Variants in FSTL5 observed in about 807,000 individuals in gnomAD.
FSTL5 encodes the protein follistatin like 5, also known as follistatin-related protein 5.
A neutral mutation model predicts 89.1 loss-of-function variants in FSTL5; 62 were observed. The ratio of observed to expected loss-of-function variants is 0.70; its 90% CI spans 0.57 to 0.86. The LOEUF (loss-of-function observed/expected upper bound fraction) is 0.86. Ranked by LOEUF, FSTL5 falls within the 40% of genes least tolerant of loss-of-function variation. FSTL5 has a pLI of 0.00. For missense variants in FSTL5, 1,057 were observed against 1,001.6 expected (o/e 1.06, Z -0.75); for synonymous variants, 383 against 346.2 (o/e 1.11, Z -1.18).
chr4:161,672,028 T>C (rs542570541), intron 6 of FSTL5, among the ~76,000 whole-genome samples: 1 of 152,170 alleles, frequency 6.6e-6, no homozygotes, highest in African/African-American at 2.4e-5. Context: ...GTATTTACAT[T>C]TTAATAGGGA....
chr4:162,112,814 C>CACA (rs1301455972), intron 1 of FSTL5, among the ~76,000 whole-genome samples: 4 of 146,282 alleles, frequency 2.7e-5, no homozygotes, highest in African/African-American at 1.0e-4. Flanking sequence ...CACACACACA[C>CACA]ACCAGTGGGC....
intron 13 of FSTL5, among the ~76,000 whole-genome samples, chr4:161,471,717 A>G (rs1733948518): frequency 6.6e-6 from 1 of 152,152 alleles, no homozygotes; most frequent in Admixed American, 6.5e-5. Flanking sequence ...TTACTGATTC[A>G]ATTTTCCTAG....
chr4:161,822,621 C>G (rs1730526194), intron 4 of FSTL5, among the ~76,000 whole-genome samples: 1 of 152,168 alleles, frequency 6.6e-6, no homozygotes. Context: ...CAGCCCTGGC[C>G]CAGCCCTAGG....
At chr4:162,052,710 T>C (rs1738417481) in intron 2 of FSTL5, among the ~76,000 whole-genome samples, 1 of 151,756 alleles carries the variant, frequency 6.6e-6, no homozygotes, top group African/African-American at 2.4e-5. Context: ...AGTGAAAAAT[T>C]AAGCAAACGC....
intron 7 of FSTL5, among the ~76,000 whole-genome samples, chr4:161,636,548 G>T (rs1360057948): frequency 6.7e-6 from 1 of 148,158 alleles, no homozygotes; most frequent in Admixed American, 6.8e-5. Flanking sequence ...TGCCATGCTG[G>T]TGCGCTGCAC....
intron 15 of FSTL5, among the ~76,000 whole-genome samples, chr4:161,430,174 G>C (rs1046063915): frequency 9.2e-5 from 14 of 151,742 alleles, no homozygotes; most frequent in African/African-American, 3.4e-4. Context: ...TTGAAGACAG[G>C]CTATTTGAAA....
At chr4:161,941,081 T>G (rs1363400353) in intron 3 of FSTL5, among the ~76,000 whole-genome samples, 1 of 151,910 alleles carries the variant, frequency 6.6e-6, no homozygotes, top group Non-Finnish European at 1.5e-5. Flanking sequence ...ATGATGATAC[T>G]AATTCAACTA....
At position 161,884,994 on chromosome 4, in the gene FSTL5, C is replaced by T. The variant is rs143367765; in HGVS notation, c.409+35410G>A. ...TATTATTGACAGAAAACCATCAGAGCGAAGGGTTTAAATCACCATTAGGGA... is the reference window on the plus strand; with the variant it reads ...TATTATTGACAGAAAACCATCAGAGTGAAGGGTTTAAATCACCATTAGGGA... On this transcript the variant is annotated intron_variant, in intron 4 of 15. Transcript: ENST00000306100. Among the ~76,000 whole-genome samples the T allele has an allele frequency of 2.0e-4, 30 of 151,458 alleles. No individual in the cohort carries two copies. In the East Asian group the frequency reaches 4.3e-3, roughly 22 times the overall value.
At chr4:161,437,430 G>A (rs1457925641) in intron 15 of FSTL5, among the ~76,000 whole-genome samples, 2 of 151,726 alleles carry the variant, frequency 1.3e-5, no homozygotes, top group Non-Finnish European at 2.9e-5. Flanking sequence ...CGCCGGGCGT[G>A]GTGGCGGGCG....
chr4:161,588,592 AC>A (rs1472391181), intron 7 of FSTL5, among the ~76,000 whole-genome samples: 2 of 152,224 alleles, frequency 1.3e-5, no homozygotes, highest in Non-Finnish European at 2.9e-5. Flanking sequence ...TATGGTAATG[AC>A]TATTCTGGCA....
At chr4:162,051,357 A>G (rs1056931087) in intron 2 of FSTL5, among the ~76,000 whole-genome samples, 1 of 151,554 alleles carries the variant, frequency 6.6e-6, no homozygotes, top group African/African-American at 2.4e-5. Flanking sequence ...AAATGAATAG[A>G]TCAACAAATT....
intron 6 of FSTL5, among the ~76,000 whole-genome samples, chr4:161,718,436 T>C (rs1468528104): frequency 6.8e-6 from 1 of 146,814 alleles, no homozygotes; most frequent in Non-Finnish European, 1.5e-5. Flanking sequence ...TGATAATACA[T>C]TTTTTTTTTT....
intron 8 of FSTL5, among the ~76,000 whole-genome samples, chr4:161,548,309 G>A (rs72685746): frequency 0.074 from 11,311 of 151,840 alleles, 532 homozygotes; most frequent in Middle Eastern, 0.16. Context: ...CATATGTCTC[G>A]TATGTACTGT....
chr4:161,616,577 T>G (rs1330878937), intron 7 of FSTL5, among the ~76,000 whole-genome samples: 1 of 152,174 alleles, frequency 6.6e-6, no homozygotes, highest in African/African-American at 2.4e-5. Flanking sequence ...ACCTTGTGAT[T>G]GTGTGAGTCA....
chr4:162,142,287 A>G (rs1368165226), intron 1 of FSTL5, among the ~76,000 whole-genome samples: 1 of 152,162 alleles, frequency 6.6e-6, no homozygotes, highest in Admixed American at 6.5e-5. Context: ...GGATGAGAAA[A>G]TTATCTCAGC....
intron 4 of FSTL5, among the ~76,000 whole-genome samples, chr4:161,786,232 A>G (rs535616136): frequency 6.6e-6 from 1 of 152,110 alleles, no homozygotes; most frequent in Non-Finnish European, 1.5e-5. Flanking sequence ...ATTTTATGTT[A>G]GATGCTTTTA....
chr4:161,670,110 T>C (rs1164246021), intron 6 of FSTL5, among the ~76,000 whole-genome samples: 3 of 152,230 alleles, frequency 2.0e-5, no homozygotes, highest in African/African-American at 7.2e-5. Flanking sequence ...TAACTTACCA[T>C]CTTTAATATA....
intron 4 of FSTL5, among the ~76,000 whole-genome samples, chr4:161,901,150 C>T (rs569048940): frequency 1.3e-5 from 2 of 151,802 alleles, no homozygotes; most frequent in South Asian, 4.2e-4. Context: ...AATGTCCTTG[C>T]CCTTTCTGAA....
chr4:161,704,158 C>T (rs747988062), intron 6 of FSTL5, among the ~76,000 whole-genome samples: 1 of 152,050 alleles, frequency 6.6e-6, no homozygotes, highest in Non-Finnish European at 1.5e-5. Context: ...CCTTCTTTGG[C>T]GAGGCTAATC....
Sources: allele counts gnomAD v4.1 joint callset (sites outside exome capture counted in the v4.1 genomes callset), GRCh38; gene constraint gnomAD v4.1.1; transcripts MANE v1.5; gene names NCBI Gene and HGNC (gene_info 2026-07-23, HGNC 2026-07-21).